Variants in OXR1 observed in about 807,000 individuals in gnomAD.
OXR1 encodes the protein oxidation resistance protein 1.
In OXR1, 41 loss-of-function variants were observed where a neutral mutation model predicts 104.6. That is an observed-to-expected ratio of 0.39 (90% CI 0.31 to 0.51). The LOEUF (loss-of-function observed/expected upper bound fraction) is 0.51. Among genes scored for constraint, OXR1 ranks in the 20% least tolerant of loss-of-function variants. The pLI, the probability that OXR1 is intolerant of heterozygous loss-of-function variation, is 0.77. For missense variants in OXR1, 955 were observed against 1,031.9 expected (o/e 0.93, Z 1.02); for synonymous variants, 348 against 348.4 (o/e 1.00, Z 0.01).
intron 2 of OXR1, among the ~76,000 whole-genome samples, chr8:106,473,843 T>C (rs1327505011): frequency 1.3e-5 from 2 of 150,052 alleles, no homozygotes; most frequent in Non-Finnish European, 1.5e-5. Flanking sequence ...TCATATTCTG[T>C]CTATTCCTCT....
At chr8:106,586,877 T>C (rs1818669714) in intron 3 of OXR1, among the ~76,000 whole-genome samples, 1 of 152,150 alleles carries the variant, frequency 6.6e-6, no homozygotes, top group Admixed American at 6.5e-5. Flanking sequence ...CAAGAGCAGT[T>C]CAGTGCAGTG....
intron 3 of OXR1, among the ~76,000 whole-genome samples, chr8:106,589,340 C>CTTTTT (rs71562109): frequency 7.3e-6 from 1 of 137,094 alleles, no homozygotes; most frequent in Non-Finnish European, 1.6e-5. Flanking sequence ...GCCCTGGAGC[C>CTTTTT]TTTTTTTTTT....
chr8:106,743,396 A>G (rs1835100589), intron 15 of OXR1, among the ~76,000 whole-genome samples: 1 of 152,224 alleles, frequency 6.6e-6, no homozygotes, highest in Non-Finnish European at 1.5e-5. Flanking sequence ...ATCTCAGCTC[A>G]GTGCAGCCTT....
intron 2 of OXR1, among the ~76,000 whole-genome samples, chr8:106,473,119 A>T (rs1821606977): frequency 6.6e-6 from 1 of 151,906 alleles, no homozygotes; most frequent in Admixed American, 6.6e-5. Flanking sequence ...AAGGAGAGAA[A>T]ATTCTCTGAA....
intron 2 of OXR1, among the ~76,000 whole-genome samples, chr8:106,418,080 T>A (rs561993500): frequency 1.5e-4 from 23 of 152,198 alleles, no homozygotes; most frequent in African/African-American, 5.5e-4. Flanking sequence ...AAATTTCAAC[T>A]TTTGACAAAA....
intron 10 of OXR1, 136 bp from the exon 11 acceptor site, chr8:106,713,687 T>G (rs1831941427): frequency 4.0e-6 from 2 of 501,230 alleles, no homozygotes; most frequent in Non-Finnish European, 6.8e-6. Flanking sequence ...ATAGTAGACC[T>G]TTTATATTAA....
At chr8:106,617,959 C>G (rs1821378825) in intron 3 of OXR1, 2 of 959,050 alleles carry the variant, frequency 2.1e-6, no homozygotes, top group African/African-American at 1.8e-5. Flanking sequence ...AGGGCAGGTA[C>G]AGTGAGTTTC....
At chr8:106,678,589 C>G (rs1827830950) in intron 3 of OXR1, among the ~76,000 whole-genome samples, 1 of 151,866 alleles carries the variant, frequency 6.6e-6, no homozygotes, top group South Asian at 2.1e-4. Context: ...TTTCGCTAAT[C>G]TTGATGATAA....
In OXR1 at chr8:106,312,407, C is replaced by T. The variant is rs1042424445; in HGVS notation, c.-139+42040C>T. 5.3e-5 allele frequency among the ~76,000 whole-genome samples: 8 copies of T among 152,188 alleles called. No individual in the cohort carries two copies. The East Asian group carries it at 5.8e-4, about 11-fold the overall frequency. On this transcript the variant is annotated intron_variant, in intron 1 of 16. Transcript: ENST00000517566. ...CGCCAGAGTGAGCAAGACGGGAAAACGAGGCAGAAGCCACAGTGTCATCTG... is the reference window on the plus strand; with the variant it reads ...CGCCAGAGTGAGCAAGACGGGAAAATGAGGCAGAAGCCACAGTGTCATCTG...
chr8:106,410,160 T>C (rs1818405182), intron 2 of OXR1, among the ~76,000 whole-genome samples: 2 of 152,188 alleles, frequency 1.3e-5, no homozygotes, highest in African/African-American at 2.4e-5. Context: ...GCCTCATCCA[T>C]TTCTACGAGG....
chr8:106,470,767 G>A (rs892790757), intron 2 of OXR1, among the ~76,000 whole-genome samples: 3 of 151,786 alleles, frequency 2.0e-5, no homozygotes, highest in Admixed American at 6.6e-5. Context: ...AAGAGACTGA[G>A]AAGAAGTGAT....
intron 2 of OXR1, among the ~76,000 whole-genome samples, chr8:106,444,740 A>G (rs1422559653): frequency 6.6e-6 from 1 of 152,090 alleles, no homozygotes; most frequent in Non-Finnish European, 1.5e-5. Context: ...GGTGCAGCAA[A>G]CCACCATGGC....
At chr8:106,451,847 C>T (rs1053989294) in intron 2 of OXR1, among the ~76,000 whole-genome samples, 13 of 152,194 alleles carry the variant, frequency 8.5e-5, no homozygotes, top group African/African-American at 2.9e-4. Context: ...AACATGATTC[C>T]TGCTCTCCAG....
intron 1 of OXR1, among the ~76,000 whole-genome samples, chr8:106,292,414 C>T (rs1812791467): frequency 6.6e-6 from 1 of 152,088 alleles, no homozygotes; most frequent in African/African-American, 2.4e-5. Context: ...TTTGTGGTTG[C>T]ACCTCAAAAC....
chr8:106,336,301 G>A (rs992359865), intron 1 of OXR1, among the ~76,000 whole-genome samples: 1 of 152,166 alleles, frequency 6.6e-6, no homozygotes, highest in African/African-American at 2.4e-5. Flanking sequence ...CAAGGACACA[G>A]ACTTTCATTG....
chr8:106,459,705 T>C (rs1344426032), intron 2 of OXR1, among the ~76,000 whole-genome samples: 1 of 152,216 alleles, frequency 6.6e-6, no homozygotes, highest in African/African-American at 2.4e-5. Flanking sequence ...GCCCAGGACA[T>C]AGCATATCTG....
chr8:106,360,267 A>C (rs138038717), intron 2 of OXR1, among the ~76,000 whole-genome samples: 1 of 152,164 alleles, frequency 6.6e-6, no homozygotes, highest in African/African-American at 2.4e-5. Context: ...AGTAGGGATA[A>C]ATTTGAAGGT....
intron 3 of OXR1, among the ~76,000 whole-genome samples, chr8:106,582,057 CA>C (rs1411679416): frequency 8.2e-6 from 1 of 122,188 alleles, no homozygotes; most frequent in Non-Finnish European, 1.8e-5. Flanking sequence ...TAAAAAACAA[CA>C]ACAACAAAAA....
chr8:106,329,627 G>C (rs563838045), intron 1 of OXR1, among the ~76,000 whole-genome samples: 1 of 152,314 alleles, frequency 6.6e-6, no homozygotes, highest in South Asian at 2.1e-4. Flanking sequence ...GATCACAGGC[G>C]TGAGCCACCG....
Sources: allele counts gnomAD v4.1 joint callset (sites outside exome capture counted in the v4.1 genomes callset), GRCh38; gene constraint gnomAD v4.1.1; transcripts MANE v1.5; gene names NCBI Gene and HGNC (gene_info 2026-07-23, HGNC 2026-07-21).